The following TENM3 variants were observed in gnomAD, a reference collection of about 807,000 sequenced individuals.
TENM3 encodes the protein teneurin-3.
Under a neutral mutation model 255.1 loss-of-function variants are expected in TENM3, and 63 were observed. The ratio of observed to expected loss-of-function variants is 0.25; its 90% CI spans 0.20 to 0.30. TENM3 has a LOEUF of 0.30. Among genes scored for constraint, TENM3 ranks in the 10% least tolerant of loss-of-function variants. The pLI, the probability that TENM3 is intolerant of heterozygous loss-of-function variation, is 1.00. For synonymous variants in TENM3, 1,306 were observed against 1,322.3 expected, an observed-to-expected ratio of 0.99 and a Z score of 0.27; for missense variants, 2,929 against 3,461.1, an observed-to-expected ratio of 0.85 and a Z score of 3.86.
the TENM3 span, among the ~76,000 whole-genome samples, chr4:181,778,093 A>G: frequency 3.9e-5 from 6 of 152,056 alleles, no homozygotes; most frequent in Non-Finnish European, 8.8e-5. Flanking sequence ...TGTATACCAA[A>G]CTTTCATATG....
chr4:182,382,712 T>C (rs1164233476), intron 3 of TENM3, among the ~76,000 whole-genome samples: 1 of 152,192 alleles, frequency 6.6e-6, no homozygotes, highest in Admixed American at 6.5e-5. Context: ...AGATCCACTC[T>C]GCACATTGAA....
chr4:182,084,517 A>G, the TENM3 span, among the ~76,000 whole-genome samples: 2 of 152,208 alleles, frequency 1.3e-5, no homozygotes, highest in Non-Finnish European at 2.9e-5. Flanking sequence ...TTTCACTCCC[A>G]CTAATTGGCT....
the TENM3 span, among the ~76,000 whole-genome samples, chr4:181,750,843 T>C: frequency 4.6e-5 from 7 of 152,196 alleles, no homozygotes; most frequent in Admixed American, 4.6e-4. Context: ...TGCTGTTGGC[T>C]TCCAGCAAGA....
chr4:181,844,696 A>T, the TENM3 span, among the ~76,000 whole-genome samples: 1 of 152,184 alleles, frequency 6.6e-6, no homozygotes, highest in Admixed American at 6.5e-5. Flanking sequence ...AAAATAAAAT[A>T]AGTTGAATGT....
chr4:181,505,962 T>C, the TENM3 span, among the ~76,000 whole-genome samples: 7 of 152,188 alleles, frequency 4.6e-5, no homozygotes, highest in African/African-American at 9.6e-5. Flanking sequence ...CAAATGCTTA[T>C]TTAATAGGTC....
the TENM3 span, among the ~76,000 whole-genome samples, chr4:181,467,566 TTAAA>T: frequency 1.3e-5 from 2 of 151,976 alleles, no homozygotes; most frequent in Admixed American, 1.3e-4. Flanking sequence ...ACAAAAATAA[TTAAA>T]TAGAGTAAAA....
At chr4:182,715,896 TCTCTTAA>T (rs1759123216) in intron 13 of TENM3, among the ~76,000 whole-genome samples, 1 of 152,200 alleles carries the variant, frequency 6.6e-6, no homozygotes, top group Non-Finnish European at 1.5e-5. Context: ...TTCACTGTTT[TCTCTTAA>T]CTTGGACAGT....
intron 3 of TENM3, among the ~76,000 whole-genome samples, chr4:182,349,308 C>T (rs367583197): frequency 3.3e-5 from 5 of 152,114 alleles, no homozygotes; most frequent in South Asian, 2.1e-4. Context: ...AAAATAGATA[C>T]GTTGTCTTAA....
rs71636174 is a variant in TENM3 at position 182,161,760 on chromosome 4, T to C, written c.-76+17006T>C. Among the ~76,000 whole-genome samples, 18 of 14,548 alleles carry C rather than the reference T, an allele frequency of 1.2e-3. 1 individual carries two copies. Among genetic ancestry groups the C allele is most frequent in the African/African-American group, 2.7e-3 (10 of 3,740 alleles). The allele number at this position is 14,548 out of a possible 152,430, so 9.5% of individuals were successfully genotyped here. On this transcript the variant is annotated intron_variant, in intron 1 of 2. Coordinates refer to the TENM3 transcript ENST00000512480. ...ACAAATATATGTGTATATATATACA[T>C]ATATATGTGTATATATATATACACA...
At chr4:182,440,259 G>A (rs780946208) in intron 3 of TENM3, among the ~76,000 whole-genome samples, 1 of 151,566 alleles carries the variant, frequency 6.6e-6, no homozygotes, top group African/African-American at 2.4e-5. Context: ...CTACAGGCAC[G>A]CACCACCACG....
intron 1 of TENM3, among the ~76,000 whole-genome samples, chr4:182,230,296 C>T (rs906981542): frequency 2.0e-5 from 3 of 152,050 alleles, no homozygotes; most frequent in Non-Finnish European, 2.9e-5. Flanking sequence ...CACCTAGGCT[C>T]GCAGAGCATT....
chr4:182,189,836 A>G (rs1439666951), intron 1 of TENM3, among the ~76,000 whole-genome samples: 1 of 152,218 alleles, frequency 6.6e-6, no homozygotes, highest in East Asian at 1.9e-4. Flanking sequence ...GAGTAGTGCC[A>G]AAGTCCTTTC....
chr4:182,315,225 G>A (rs1487230829), intron 1 of TENM3, among the ~76,000 whole-genome samples: 2 of 152,108 alleles, frequency 1.3e-5, no homozygotes, highest in Non-Finnish European at 2.9e-5. Flanking sequence ...ATTTTCAAGT[G>A]CTGTTTATTC....
the TENM3 span, among the ~76,000 whole-genome samples, chr4:181,858,561 C>T: frequency 6.6e-6 from 1 of 152,162 alleles, no homozygotes; most frequent in Non-Finnish European, 1.5e-5. Context: ...TTCCTGCTCT[C>T]ATGGAGCTTG....
intron 3 of TENM3, among the ~76,000 whole-genome samples, chr4:182,594,133 G>A (rs771144680): frequency 6.6e-6 from 1 of 152,142 alleles, no homozygotes; most frequent in African/African-American, 2.4e-5. Context: ...ACTGGCAAGA[G>A]GTTAGTTTGT....
intron 2 of TENM3, among the ~76,000 whole-genome samples, chr4:182,325,526 A>G (rs1561323026): frequency 6.6e-6 from 1 of 152,234 alleles, no homozygotes; most frequent in Non-Finnish European, 1.5e-5. Flanking sequence ...GATACAAAAC[A>G]TATTTGAGGT....
the TENM3 span, among the ~76,000 whole-genome samples, chr4:181,875,698 G>T: frequency 6.6e-6 from 1 of 152,152 alleles, no homozygotes; most frequent in African/African-American, 2.4e-5. Flanking sequence ...AGAGCCCTGG[G>T]TTGGTGTAAG....
chr4:182,138,971 C>T, the TENM3 span, among the ~76,000 whole-genome samples: 1 of 152,176 alleles, frequency 6.6e-6, no homozygotes, highest in African/African-American at 2.4e-5. Flanking sequence ...TTATTTATGA[C>T]ATACCCCTGT....
At chr4:182,419,538 A>G (rs1421482513) in intron 3 of TENM3, among the ~76,000 whole-genome samples, 1 of 152,234 alleles carries the variant, frequency 6.6e-6, no homozygotes, top group Non-Finnish European at 1.5e-5. Flanking sequence ...CCAAAGGACT[A>G]TAAATCATGC....
Sources: allele counts gnomAD v4.1 joint callset (sites outside exome capture counted in the v4.1 genomes callset), GRCh38; gene constraint gnomAD v4.1.1; transcripts MANE v1.5; gene names NCBI Gene and HGNC (gene_info 2026-07-23, HGNC 2026-07-21).